Variants in STARD13 observed in about 807,000 individuals in gnomAD.
The protein encoded by STARD13 is StAR related lipid transfer domain containing 13, also known as stAR-related lipid transfer protein 13.
Under a neutral mutation model 106.4 loss-of-function variants are expected in STARD13, and 62 were observed. The ratio of observed to expected loss-of-function variants is 0.58; its 90% confidence interval spans 0.48 to 0.72. The LOEUF is 0.72. STARD13 is among the 30% of genes least tolerant of loss of function. STARD13 has a pLI of 0.00. For synonymous variants in STARD13, 565 were observed against 553.0 expected (o/e 1.02, Z -0.31); for missense variants, 1,387 against 1,424.0 (o/e 0.97, Z 0.42).
chr13:33,602,814 G>A, the STARD13 span, among the ~76,000 whole-genome samples: 3 of 152,168 alleles, frequency 2.0e-5, no homozygotes, highest in Admixed American at 1.3e-4. Context: ...TCTAGATTGT[G>A]TGCTCCTTAT....
the STARD13 span, among the ~76,000 whole-genome samples, chr13:33,623,681 T>C: frequency 6.6e-6 from 1 of 151,984 alleles, no homozygotes; most frequent in African/African-American, 2.4e-5. Context: ...AATCAACAAA[T>C]GAGCTGATAT....
chr13:33,648,145 CT>C, the STARD13 span, among the ~76,000 whole-genome samples: 605 of 152,230 alleles, frequency 4.0e-3, 2 homozygotes, highest in African/African-American at 0.014. Context: ...ATTATAAACA[CT>C]AAAAAGGCAT....
chr13:33,157,065 A>C (rs1199638332), intron 3 of STARD13, among the ~76,000 whole-genome samples: 1 of 152,142 alleles, frequency 6.6e-6, no homozygotes, highest in Non-Finnish European at 1.5e-5. Flanking sequence ...AAAGACTTTA[A>C]TTATTTAATA....
At chr13:33,543,378 T>TA in the STARD13 span, among the ~76,000 whole-genome samples, 6 of 152,180 alleles carry the variant, frequency 3.9e-5, no homozygotes, top group Non-Finnish European at 8.8e-5. Flanking sequence ...GCCTCAGAAA[T>TA]GCTCAATGTA....
chr13:33,267,855 G>A (rs1890972519), intron 1 of STARD13, among the ~76,000 whole-genome samples: 1 of 152,164 alleles, frequency 6.6e-6, no homozygotes, highest in Non-Finnish European at 1.5e-5. Flanking sequence ...CTCAGCTGTG[G>A]AAGAGGCTGC....
At chr13:33,669,538 T>A in the STARD13 span, among the ~76,000 whole-genome samples, 1 of 146,138 alleles carries the variant, frequency 6.8e-6, no homozygotes, top group Admixed American at 6.7e-5. Flanking sequence ...TTCTTTTTTT[T>A]TTTTTTTTTT....
the STARD13 span, among the ~76,000 whole-genome samples, chr13:33,515,147 A>G: frequency 6.6e-6 from 1 of 152,142 alleles, no homozygotes; most frequent in Admixed American, 6.6e-5. Flanking sequence ...TCCTGTATCA[A>G]AAAAGTGGAA....
At chr13:33,495,931 G>T in the STARD13 span, among the ~76,000 whole-genome samples, 1 of 140,602 alleles carries the variant, frequency 7.1e-6, no homozygotes. Flanking sequence ...ATATATTATT[G>T]TATATAATTA....
the STARD13 span, among the ~76,000 whole-genome samples, chr13:33,600,619 T>C: frequency 6.6e-6 from 1 of 152,196 alleles, no homozygotes; most frequent in Non-Finnish European, 1.5e-5. Context: ...TTTGTTAATA[T>C]TTCTGCAGGT....
At chr13:33,501,421 G>T in the STARD13 span, among the ~76,000 whole-genome samples, 3 of 152,016 alleles carry the variant, frequency 2.0e-5, no homozygotes, top group Admixed American at 2.0e-4. Context: ...GGCTTTTATT[G>T]CCTTTGCTTT....
the STARD13 span, chr13:33,359,731 T>C: frequency 6.6e-6 from 1 of 152,408 alleles, no homozygotes; most frequent in Non-Finnish European, 1.5e-5. Flanking sequence ...TCAGAGGCCA[T>C]AGTATAATGG....
At chr13:33,420,993 G>A in the STARD13 span, among the ~76,000 whole-genome samples, 3 of 152,130 alleles carry the variant, frequency 2.0e-5, no homozygotes, top group African/African-American at 7.2e-5. Flanking sequence ...TGCCCCAAGA[G>A]AAAGCAGAAA....
chr13:33,295,011 A>G (rs911123482), intron 1 of STARD13, among the ~76,000 whole-genome samples: 1 of 151,970 alleles, frequency 6.6e-6, no homozygotes, highest in Non-Finnish European at 1.5e-5. Flanking sequence ...CTTATATACA[A>G]TCCCTTTCTT....
At chr13:33,573,212 A>G in the STARD13 span, among the ~76,000 whole-genome samples, 1,204 of 152,308 alleles carry the variant, frequency 7.9e-3, 15 homozygotes, top group African/African-American at 0.027. Context: ...ATCTCAGCTC[A>G]TACACTATAA....
chr13:33,242,174 G>C (rs894182717), intron 1 of STARD13, among the ~76,000 whole-genome samples: 4 of 152,162 alleles, frequency 2.6e-5, no homozygotes, highest in African/African-American at 9.7e-5. Context: ...GAAGTGAGGA[G>C]CCCCTCCGCC....
chr13:33,450,951 T>C, the STARD13 span, among the ~76,000 whole-genome samples: 1 of 152,184 alleles, frequency 6.6e-6, no homozygotes, highest in African/African-American at 2.4e-5. Flanking sequence ...GGTGCAATCA[T>C]GTCTCACTGC....
chr13:33,266,108 G>A (rs1030926941), intron 1 of STARD13, among the ~76,000 whole-genome samples: 12 of 152,196 alleles, frequency 7.9e-5, no homozygotes, highest in African/African-American at 2.4e-4. Flanking sequence ...CTAAGGAGAA[G>A]CCTGGAGCTG....
At chr13:33,124,672 A>G (rs1347895248) in intron 7 of STARD13, among the ~76,000 whole-genome samples, 1 of 152,112 alleles carries the variant, frequency 6.6e-6, no homozygotes. Context: ...ATAGCTATGG[A>G]CATTAACTTT....
the STARD13 span, among the ~76,000 whole-genome samples, chr13:33,650,164 A>ATTTTTTTTTTTT: frequency 6.2e-5 from 3 of 48,374 alleles, 1 homozygote; most frequent in Admixed American, 3.8e-4. Flanking sequence ...CGTGACTCCA[A>ATTTTTTTTTTTT]TTTTTTTTTT....
Sources: gnomAD v4.1 joint callset for allele counts (sites outside exome capture counted in the v4.1 genomes callset) on GRCh38, gnomAD v4.1.1 for gene constraint, MANE v1.5 for transcripts, NCBI Gene and HGNC (gene_info 2026-07-23, HGNC 2026-07-21) for gene names.